The following ADGRL2 variants were observed in gnomAD, a reference collection of about 807,000 sequenced individuals.
ADGRL2 encodes the protein adhesion G protein-coupled receptor L2, also known as calcium-independent alpha-latrotoxin receptor 2.
Under a neutral mutation model 157.4 loss-of-function variants are expected in ADGRL2, and 44 were observed. The ratio of observed to expected loss-of-function variants is 0.28; its 90% CI spans 0.22 to 0.36. ADGRL2 has a LOEUF of 0.36. ADGRL2 is among the 10% of genes least tolerant of loss of function. The pLI is 1.00. For missense variants in ADGRL2, 1,510 were observed against 1,768.9 expected (o/e 0.85, Z 2.63); for synonymous variants, 585 against 624.7 (o/e 0.94, Z 0.95).
At chr1:81,461,904 C>G (rs978957634) in intron 2 of ADGRL2, among the ~76,000 whole-genome samples, 7 of 122,478 alleles carry the variant, frequency 5.7e-5, no homozygotes, top group African/African-American at 2.3e-4. Flanking sequence ...GGCTGATAGT[C>G]TTCCAAAGAA....
At chr1:81,763,805 G>A (rs1332330153) in intron 2 of ADGRL2, among the ~76,000 whole-genome samples, 2 of 152,004 alleles carry the variant, frequency 1.3e-5, no homozygotes, top group Non-Finnish European at 2.9e-5. Context: ...TCAGGAGTTC[G>A]AGATCAGCCT....
chr1:81,950,224 G>A lies in ADGRL2; in HGVS notation c.1246G>A (p.Glu416Lys). The change falls in exon 7 of 24, where the codon GAG becomes AAG. Residue 416 changes from glutamate to lysine, a missense_variant. This residue lies in a region of ADGRL2 where 325 missense variants were observed against 333.2 expected (regional missense o/e 0.98). Transcript: ENST00000686636. ...TTAVTITSSA[E>K]LFKTIISTTS... ...AGCTGTGACAATAACTTCTTCAGCT[G>A]AGCTGTTCAAAACCATAATATCAAC... 1.2e-6 allele frequency: 2 copies of A among 1,613,938 alleles called. No individual in the cohort carries two copies. Among genetic ancestry groups the A allele is most frequent in the Non-Finnish European group, 1.7e-6 (2 of 1,179,918 alleles).
chr1:81,507,299 A>G lies in ADGRL2; in HGVS notation c.-248+62210A>G, dbSNP rs1333556157. On this transcript the variant is annotated intron_variant, in intron 2 of 24. Coordinates refer to the ADGRL2 transcript ENST00000370721. ...TTTCTCCTGCACAGAAGGAGACTTA[A>G]TATTGATAGAAAGTTCTACAAGGCG... Among the ~76,000 whole-genome samples, 4 of 152,264 alleles carry G rather than the reference A, an allele frequency of 2.6e-5. No homozygotes were observed. In the East Asian group the frequency reaches 7.7e-4, roughly 29 times the overall value.
intron 1 of ADGRL2, among the ~76,000 whole-genome samples, chr1:81,346,456 T>G (rs1441447885): frequency 6.6e-6 from 1 of 152,144 alleles, no homozygotes; most frequent in Non-Finnish European, 1.5e-5. Flanking sequence ...TACTATTAAC[T>G]TGTGTCTCCT....
intron 5 of ADGRL2, 91 bp downstream of exon 5, chr1:81,942,136 A>G (rs1167418431): frequency 1.1e-5 from 6 of 550,792 alleles, no homozygotes; most frequent in Admixed American, 3.2e-5. Context: ...ACACTCCTGT[A>G]TTAAAATAAT....
intron 1 of ADGRL2, among the ~76,000 whole-genome samples, chr1:81,718,317 G>A (rs1483866768): frequency 6.6e-6 from 1 of 152,164 alleles, no homozygotes; most frequent in African/African-American, 2.4e-5. Context: ...CGCATTTTGG[G>A]AGAAAAGATT....
chr1:81,391,261 A>C (rs1419700825), intron 1 of ADGRL2, among the ~76,000 whole-genome samples: 1 of 152,308 alleles, frequency 6.6e-6, no homozygotes, highest in Non-Finnish European at 1.5e-5. Flanking sequence ...TGCTTGTGGC[A>C]CTTGTGCTAC....
chr1:81,482,909 A>G (rs2078420575), intron 2 of ADGRL2, among the ~76,000 whole-genome samples: 1 of 152,008 alleles, frequency 6.6e-6, no homozygotes, highest in Non-Finnish European at 1.5e-5. Context: ...AACATCCTGT[A>G]CACCACACTA....
At chr1:81,905,983 T>G (rs2094577657) in intron 2 of ADGRL2, among the ~76,000 whole-genome samples, 1 of 150,492 alleles carries the variant, frequency 6.6e-6, no homozygotes, top group East Asian at 1.9e-4. Context: ...TGTGTGTGTG[T>G]GTGTACATAT....
intron 2 of ADGRL2, among the ~76,000 whole-genome samples, chr1:81,845,196 C>G (rs2092737968): frequency 6.6e-6 from 1 of 152,048 alleles, no homozygotes. Context: ...TGAATGCTAA[C>G]AGATGCATAG....
At chr1:81,491,819 A>G (rs530075842) in intron 2 of ADGRL2, among the ~76,000 whole-genome samples, 14 of 152,310 alleles carry the variant, frequency 9.2e-5, no homozygotes, top group Admixed American at 7.8e-4. Context: ...GATTTATTCT[A>G]TGCAATACTG....
intron 2 of ADGRL2, among the ~76,000 whole-genome samples, chr1:81,518,009 T>C (rs2148139225): frequency 6.6e-6 from 1 of 152,378 alleles, no homozygotes; most frequent in East Asian, 1.9e-4. Context: ...TTTCCATACT[T>C]AACACCTTAG....
intron 1 of ADGRL2, among the ~76,000 whole-genome samples, chr1:81,827,640 A>T (rs2091609567): frequency 6.6e-6 from 1 of 152,098 alleles, no homozygotes; most frequent in Non-Finnish European, 1.5e-5. Context: ...ATCTTGGCGC[A>T]CTACACCCTC....
intron 3 of ADGRL2, among the ~76,000 whole-genome samples, chr1:81,637,748 T>C (rs1364655075): frequency 6.6e-6 from 1 of 152,170 alleles, no homozygotes; most frequent in Non-Finnish European, 1.5e-5. Flanking sequence ...CCACACATGT[T>C]TCAATACATG....
intron 2 of ADGRL2, among the ~76,000 whole-genome samples, chr1:81,480,285 G>A (rs1416611547): frequency 6.6e-6 from 1 of 151,822 alleles, no homozygotes; most frequent in African/African-American, 2.4e-5. Flanking sequence ...GAACTCATAT[G>A]ACTATTACTA....
chr1:81,907,150 C>A lies in ADGRL2; in HGVS notation c.207C>A (p.Asp69Glu), dbSNP rs756734698. 1.1e-5 allele frequency: 17 copies of A among 1,613,944 alleles called. No homozygotes were observed. In the Admixed American group the frequency reaches 2.8e-4, roughly 27 times the overall value. Residue 69 changes from aspartate to glutamate, a missense_variant, in exon 3 of 24, where the codon GAC becomes GAA. By Grantham distance (45) the Asp-to-Glu change is conservative (BLOSUM62 2). Coordinates refer to ENST00000686636, the MANE Select transcript of ADGRL2 (RefSeq NM_001366006.2). ...GCGCTAACTATGGTCGGACGGATGA[C>A]AAGATTTGTGATGCTGACCCATTTC... ...IESANYGRTD[D>E]KICDADPFQM...
chr1:81,600,945 A>G (rs1213595061), intron 3 of ADGRL2, among the ~76,000 whole-genome samples: 6 of 152,184 alleles, frequency 3.9e-5, no homozygotes, highest in African/African-American at 7.2e-5. Context: ...ATTCAGTGCC[A>G]TGTTTAAGCA....
intron 23 of ADGRL2, chr1:81,989,747 TGGTGCTTGTG>T (rs994483174): frequency 1.2e-6 from 2 of 1,603,970 alleles, no homozygotes; most frequent in African/African-American, 2.7e-5. Context: ...TGATGTTGGA[TGGTGCTTGTG>T]GGCCCCTGGT....
At chr1:81,786,657 T>C (rs700033) in intron 2 of ADGRL2, among the ~76,000 whole-genome samples, 151,695 of 152,366 alleles carry the variant, frequency 1, 75,519 homozygotes, top group Non-Finnish European at 1. Context: ...GCAAATATTC[T>C]TCTTTGAAAA....
Sources: allele counts gnomAD v4.1 joint callset (sites outside exome capture counted in the v4.1 genomes callset), GRCh38; gene constraint gnomAD v4.1.1; regional missense constraint gnomAD v4.1.1; transcripts MANE v1.5; gene names NCBI Gene and HGNC (gene_info 2026-07-23, HGNC 2026-07-21).